RYR2: variants seen among roughly 807,000 people sequenced by gnomAD.
The protein encoded by RYR2 is ryanodine receptor 2, also known as cardiac muscle ryanodine receptor-calcium release channel.
RYR2 carries 227 observed loss-of-function variants against 601.1 expected under a neutral mutation model. The observed-to-expected ratio is 0.38, with a 90% CI of 0.34 to 0.42. RYR2 has a LOEUF of 0.42. Ranked by LOEUF, RYR2 falls within the 10% of genes least tolerant of loss-of-function variation. The pLI, the probability that RYR2 is intolerant of heterozygous loss-of-function variation, is 1.00. For missense variants in RYR2, 4,646 were observed against 6,156.5 expected (o/e 0.75, Z 8.21); for synonymous variants, 2,223 against 2,175.1 (o/e 1.02, Z -0.61).
chr1:237,764,949 T>C (rs1045049866), intron 84 of RYR2, among the ~76,000 whole-genome samples: 1 of 152,164 alleles, frequency 6.6e-6, no homozygotes, highest in Non-Finnish European at 1.5e-5. Flanking sequence ...ATACTGTTTT[T>C]TTTCTGCTGC....
chr1:237,433,543 CA>C (rs1707049888), intron 12 of RYR2, among the ~76,000 whole-genome samples: 1 of 152,084 alleles, frequency 6.6e-6, no homozygotes, highest in Admixed American at 6.5e-5. Flanking sequence ...GTCAACATTT[CA>C]GAGAAAATAG....
chr1:237,397,157 G>T (rs1001813176), intron 10 of RYR2, among the ~76,000 whole-genome samples: 1 of 151,862 alleles, frequency 6.6e-6, no homozygotes, highest in South Asian at 2.1e-4. Flanking sequence ...AGAATCGCTT[G>T]AACGCAGGAG....
chr1:237,322,864 T>A (rs1345495), intron 2 of RYR2, among the ~76,000 whole-genome samples: 46,936 of 147,594 alleles, frequency 0.32, 7,478 homozygotes, highest in South Asian at 0.39. Flanking sequence ...AATTTTTTTT[T>A]AAAAAAAAAA....
At chr1:237,443,263 A>G (rs111237770) in intron 13 of RYR2, among the ~76,000 whole-genome samples, 2 of 150,700 alleles carry the variant, frequency 1.3e-5, no homozygotes, top group Admixed American at 1.3e-4. Flanking sequence ...CTGTTCTTTC[A>G]TCTGGTCTGC....
At chr1:237,280,395 C>T (rs1690735415) in intron 2 of RYR2, among the ~76,000 whole-genome samples, 1 of 152,142 alleles carries the variant, frequency 6.6e-6, no homozygotes, top group South Asian at 2.1e-4. Context: ...TTTCTTCTCT[C>T]TACTTTATTC....
intron 23 of RYR2, among the ~76,000 whole-genome samples, chr1:237,510,849 T>C (rs1665818662): frequency 6.6e-6 from 1 of 152,222 alleles, no homozygotes; most frequent in Non-Finnish European, 1.5e-5. Flanking sequence ...AACCTTGCAT[T>C]TAGTTTAATG....
In RYR2 at chr1:237,650,465, G is replaced by C. The variant is rs573094683; in HGVS notation, c.7733+368G>C. On this transcript the variant is annotated intron_variant, in intron 50 of 104. Transcript: ENST00000366574. ...TGATGATTTAACTCATCTTCTAGAA[G>C]AGAAAAGAAAAAAGGGACTTCTTAA... Among the ~76,000 whole-genome samples the C allele has an allele frequency of 7.3e-4, 111 of 151,902 alleles. 2 individuals are homozygous for C. The highest frequency in any genetic ancestry group is 2.4e-3 in the African/African-American group (99 of 41,466).
chr1:237,077,816 A>C (rs573519640), intron 1 of RYR2, among the ~76,000 whole-genome samples: 130 of 152,150 alleles, frequency 8.5e-4, no homozygotes, highest in African/African-American at 2.9e-3. Flanking sequence ...AAATCAACAG[A>C]ATATACATTT....
intron 79 of RYR2, among the ~76,000 whole-genome samples, chr1:237,734,038 C>A: frequency 6.6e-6 from 1 of 152,186 alleles, no homozygotes. Context: ...GCACACACTA[C>A]ACCTTTGTGG....
intron 29 of RYR2, among the ~76,000 whole-genome samples, chr1:237,569,799 T>C (rs1672473312): frequency 6.6e-6 from 1 of 152,178 alleles, no homozygotes; most frequent in South Asian, 2.1e-4. Flanking sequence ...TTGACACTTG[T>C]ACAGTTTCTG....
intron 11 of RYR2, among the ~76,000 whole-genome samples, chr1:237,422,101 AACTGTGCCATC>A: frequency 6.6e-6 from 1 of 152,288 alleles, no homozygotes; most frequent in Middle Eastern, 3.4e-3. Context: ...TGCACGATAG[AACTGTGCCATC>A]ACTCTGCACC....
chr1:237,284,198 C>T (rs953700426), intron 2 of RYR2, among the ~76,000 whole-genome samples: 1 of 152,128 alleles, frequency 6.6e-6, no homozygotes, highest in Admixed American at 6.5e-5. Context: ...GCCTGGCCAA[C>T]ATGGAGAAAC....
At chr1:237,251,209 C>A (rs576871810) in intron 1 of RYR2, among the ~76,000 whole-genome samples, 1 of 152,120 alleles carries the variant, frequency 6.6e-6, no homozygotes, top group Non-Finnish European at 1.5e-5. Context: ...GACTCCATAT[C>A]GTCTTCAGCT....
chr1:237,302,511 G>A (rs962133898), intron 2 of RYR2, among the ~76,000 whole-genome samples: 1 of 152,142 alleles, frequency 6.6e-6, no homozygotes, highest in Non-Finnish European at 1.5e-5. Flanking sequence ...TCCTAGAATA[G>A]GTTAGTTGTA....
chr1:237,090,180 C>A (rs137966467), intron 1 of RYR2, among the ~76,000 whole-genome samples: 1,540 of 152,248 alleles, frequency 0.01, 27 homozygotes, highest in African/African-American at 0.035. Flanking sequence ...CCCTCCCATG[C>A]TATGTGGGGA....
rs1184674089 is a variant in RYR2 at position 237,731,083 on chromosome 1, AAAAGCCTAATCTTG to A, written c.10935+729_10935+742del. Among the ~76,000 whole-genome samples the A allele has an allele frequency of 1.1e-4, 17 of 152,224 alleles. 1 individual carries two copies. The highest frequency in any genetic ancestry group is 7.9e-4 in the Admixed American group (12 of 15,274). ...TAATGGATAAATTAATCTAATTCTT[AAAAGCCTAATCTTG>A]ATTGTCCCCATATTTTAAAATGATT... On this transcript the variant is annotated intron_variant, in intron 77 of 104. Transcript: ENST00000366574.
At chr1:237,557,741 A>G (rs1182443744) in intron 27 of RYR2, among the ~76,000 whole-genome samples, 1 of 152,122 alleles carries the variant, frequency 6.6e-6, no homozygotes, top group African/African-American at 2.4e-5. Context: ...GGCATTTAGA[A>G]GTAGAATCAG....
chr1:237,134,413 C>T (rs2485574), intron 1 of RYR2, among the ~76,000 whole-genome samples: 79,296 of 152,022 alleles, frequency 0.52, 21,849 homozygotes, highest in Admixed American at 0.61. Context: ...ACAGTCATGG[C>T]GGAAGAGCAA....
chr1:237,433,603 T>A (rs948477381), intron 12 of RYR2, among the ~76,000 whole-genome samples: 1 of 152,154 alleles, frequency 6.6e-6, no homozygotes, highest in African/African-American at 2.4e-5. Context: ...TCACATTTGA[T>A]CATGGTCTCT....
Sources: gnomAD v4.1 joint callset for allele counts (sites outside exome capture counted in the v4.1 genomes callset) on GRCh38, gnomAD v4.1.1 for gene constraint, MANE v1.5 for transcripts, NCBI Gene and HGNC (gene_info 2026-07-23, HGNC 2026-07-21) for gene names.